The following PYGM variants were observed in gnomAD, a reference collection of about 807,000 sequenced individuals.
PYGM encodes the protein glycogen phosphorylase, muscle associated.
Under a neutral mutation model 99.3 loss-of-function variants are expected in PYGM, and 81 were observed. That is an observed-to-expected ratio of 0.82 (90% confidence interval 0.68 to 0.98). PYGM has a LOEUF of 0.98. Among genes scored for constraint, PYGM ranks in the 50% least tolerant of loss-of-function variants. The probability of loss-of-function intolerance (pLI) is 0.00; values close to 1 mark genes in which losing one functional copy is unlikely to be tolerated. For missense variants in PYGM, 1,030 were observed against 1,158.1 expected (o/e 0.89, Z 1.61); for synonymous variants, 436 against 451.5 (o/e 0.97, Z 0.44).
intron 12 of PYGM, among the ~76,000 whole-genome samples, 171 bp from the exon 13 acceptor site, chr11:64,752,675 C>T (rs1408221108): frequency 6.6e-6 from 1 of 152,244 alleles, no homozygotes; most frequent in Non-Finnish European, 1.5e-5. Context: ...CATCCATGCA[C>T]CTTCCTCCCC....
Position 64,747,229 on chromosome 11 carries a change from A to G in PYGM, c.2307T>C (p.His769=), listed in dbSNP as rs1347928620. 2.5e-6 allele frequency: 4 copies of G among 1,614,128 alleles called. No homozygotes were observed. In the African/African-American group the frequency reaches 4.0e-5, roughly 16 times the overall value. Residue 769 remains histidine, a synonymous_variant, in exon 18 of 20, where the codon CAT becomes CAC. Transcript: ENST00000164139. ...FKDIVNMLMH[H]DRFKVFADYE... Reference sequence around the variant, plus strand: ...TCCCGGGCCAACCAGCTCACCGGTCATGGTGCATGAGCATATTGACAATGT... The same window carrying G: ...TCCCGGGCCAACCAGCTCACCGGTCGTGGTGCATGAGCATATTGACAATGT...
Position 64,750,500 on chromosome 11 carries a change from T to A in PYGM, c.2053A>T (p.Asn685Tyr). ...ATGGTGCCAATGGTCAGAGCCCCGTTGAGCATGAACTTCATGTTGCCGGTG... is the reference window on the plus strand; with the variant it reads ...ATGGTGCCAATGGTCAGAGCCCCGTAGAGCATGAACTTCATGTTGCCGGTG... The part of the protein sequence containing the change: ...SGTGNMKFML[N>Y]GALTIGTMDG... Residue 685 changes from asparagine to tyrosine, a missense_variant, in exon 17 of 20, where the codon AAC (asparagine) becomes TAC (tyrosine). Coordinates refer to ENST00000164139, the MANE Select transcript of PYGM (RefSeq NM_005609.4). 1 of 1,614,226 alleles carries A rather than the reference T, an allele frequency of 6.2e-7. No individual in the cohort carries two copies. The highest frequency in any genetic ancestry group is 8.5e-7 in the Non-Finnish European group (1 of 1,180,042).
Position 64,758,355 on chromosome 11 carries a change from G to T in PYGM, c.425-6C>A. The T allele has an allele frequency of 1.2e-6, 2 of 1,613,426 alleles. No individual in the cohort carries two copies. The highest frequency in any genetic ancestry group is 1.3e-5 in the African/African-American group (1 of 74,996). ...CATGGAGTCAAGAAAGCAGGCTGGG[G>T]GTGTGCAGGGAGGTGGCTGTCAGGG... On this transcript the variant is annotated splice_polypyrimidine_tract_variant and splice_region_variant and intron_variant, in intron 3 of 19. Transcript: ENST00000164139.
At position 64,750,522 on chromosome 11, in the gene PYGM, G is replaced by T. The variant is rs372078244; in HGVS notation, c.2031C>A (p.Thr677=). 6.2e-7 allele frequency: 1 copy of T among 1,614,176 alleles called. No individual in the cohort carries two copies. The highest frequency in any genetic ancestry group is 1.3e-5 in the African/African-American group (1 of 75,038). ...ISTAGTEASG[T]GNMKFMLNGA... The stretch of plus-strand genomic sequence containing the variant: ...CGTTGAGCATGAACTTCATGTTGCC[G>T]GTGCCTGAGGCTTCAGTGCCCGCAG... The change falls in exon 17 of 20, where the codon ACC becomes ACA. Residue 677 remains threonine, a synonymous_variant. Transcript: ENST00000164139.
Position 64,746,527 on chromosome 11 carries a change from G to A in PYGM, c.*132C>T. 7.8e-7 allele frequency: 1 copy of A among 1,281,440 alleles called. No homozygotes were observed. Among genetic ancestry groups the A allele is most frequent in the East Asian group, 2.4e-5 (1 of 42,404 alleles). 79.4% of individuals were successfully genotyped at this position (1,281,440 alleles called of 1,614,324 possible). On this transcript the variant is annotated 3_prime_UTR_variant, in exon 20 of 20. Transcript: ENST00000164139. ...CACGCTGGACACTGGGACATTGAGAGTGGGGAAAATGAGGGTTCCAGGAGG... is the reference window on the plus strand; with the variant it reads ...CACGCTGGACACTGGGACATTGAGAATGGGGAAAATGAGGGTTCCAGGAGG...
In PYGM at chr11:64,754,487, G is replaced by A; in HGVS notation, c.1000-142C>T. ...GGCAGAGGCAGGCCGGTGCTCATGG[G>A]GGTGGGAGGAATGGGGGGAGTGGGG... On this transcript the variant is annotated intron_variant, in intron 8 of 19. Transcript: ENST00000164139. This position sits in a 1 kb window ranked among gnomAD's most constrained non-coding sequence, Gnocchi z 5.5. 5 of 972,702 alleles carry A rather than the reference G, an allele frequency of 5.1e-6. No individual in the cohort carries two copies. The South Asian group carries it at 7.6e-5, about 15-fold the overall frequency. The allele number at this position is 972,702 out of a possible 1,614,324, so 60.3% of individuals were successfully genotyped here. A position where few individuals can be genotyped will look rare whatever the true frequency, so the allele number is the denominator to read the frequency against.
chr11:64,758,106 T>A, intron 4 of PYGM, 140 bp downstream of exon 4: 1 of 1,356,368 alleles, frequency 7.4e-7, no homozygotes, highest in East Asian at 2.3e-5. Flanking sequence ...CCAGCTGGCT[T>A]TGGGTCGGGG....
At chr11:64,758,128 G>C (rs1245853689) in intron 4 of PYGM, 118 bp downstream of exon 4, 28 of 1,389,486 alleles carry the variant, frequency 2.0e-5, no homozygotes, top group Admixed American at 3.4e-5. Flanking sequence ...GTGGGGAGCA[G>C]CAAGGATGCT....
intron 2 of PYGM, 30 bp from the exon 3 acceptor site, chr11:64,758,545 G>A: frequency 6.2e-7 from 1 of 1,613,922 alleles, no homozygotes; most frequent in East Asian, 2.2e-5. Context: ...AGTGGTCAGG[G>A]TCAAGTGTCA....
At chr11:64,759,620 C>T in intron 1 of PYGM, 36 bp downstream of exon 1, 1 of 1,610,848 alleles carries the variant, frequency 6.2e-7, no homozygotes, top group South Asian at 1.1e-5. Context: ...GCAGCGCCTT[C>T]AGCCCATACC....
chr11:64,760,665 A>T (rs200066803), upstream of PYGM, among the ~76,000 whole-genome samples: 2 of 152,088 alleles, frequency 1.3e-5, no homozygotes, highest in Non-Finnish European at 2.9e-5. Context: ...GCGGTGGGAG[A>T]AACTGAGGCA....
intron 17 of PYGM, 79 bp downstream of exon 17, chr11:64,750,297 G>C: frequency 6.6e-7 from 1 of 1,521,610 alleles, no homozygotes; most frequent in Non-Finnish European, 9.1e-7. Flanking sequence ...AGTCTTTCCA[G>C]ACGTGCCGCT....
In PYGM at chr11:64,759,835, C is replaced by G. The variant is rs140731551; in HGVS notation, c.64G>C (p.Val22Leu). 6.2e-7 allele frequency: 1 copy of G among 1,614,026 alleles called. No individual in the cohort carries two copies. The highest frequency in any genetic ancestry group is 8.5e-7 in the Non-Finnish European group (1 of 1,180,028). The stretch of plus-strand genomic sequence containing the variant: ...TTTTTCAGCTCAGTCACGTTCTCCA[C>G]GCCGGCCAGGCCACGCACACTGATT... Reference protein sequence around the residue: ...KQISVRGLAGVENVTELKKNF... With the variant: ...KQISVRGLAGLENVTELKKNF... Residue 22 changes from valine to leucine, a missense_variant, in exon 1 of 20, where the codon GTG (valine) becomes CTG (leucine). Val to Leu is a conservative substitution (Grantham distance 32, BLOSUM62 1). Coordinates refer to ENST00000164139, the MANE Select transcript of PYGM (RefSeq NM_005609.4).
chr11:64,752,155 G>A lies in PYGM; in HGVS notation c.1621-84C>T, dbSNP rs943699770. The A allele has an allele frequency of 5.0e-6, 8 of 1,591,552 alleles. No homozygotes were observed. In the African/African-American group the frequency reaches 8.1e-5, roughly 16 times the overall value. ...GTCCACACTCCAGTCAGCCCCAGGA[G>A]GATGGCTACCAGGAGGCTCACTGGC... On this transcript the variant is annotated intron_variant, in intron 13 of 19. Coordinates refer to ENST00000164139, the MANE Select transcript of PYGM (RefSeq NM_005609.4).
rs1364727739 is a variant in PYGM at position 64,751,999 on chromosome 11, C to T, written c.1693G>A (p.Asp565Asn). The T allele has an allele frequency of 5.0e-6, 8 of 1,613,980 alleles. No individual in the cohort carries two copies. The highest frequency in any genetic ancestry group is 3.3e-5 in the Admixed American group (2 of 60,018). ...KVHINPNSLF[D>N]IQVKRIHEYK... ...TCGTGAATCCGCTTCACCTGGATGT[C>T]GAAGAGTGAGTTGGGGTTGATGTGG... Residue 565 changes from aspartate to asparagine, a missense_variant, in exon 14 of 20, where the codon GAC becomes AAC. Coordinates refer to ENST00000164139, the MANE Select transcript of PYGM (RefSeq NM_005609.4).
rs368565983 is a variant in PYGM, at chr11:64,755,258, C to T, written c.855+15G>A. On this transcript the variant is annotated intron_variant, in intron 7 of 19. Coordinates refer to ENST00000164139, the MANE Select transcript of PYGM (RefSeq NM_005609.4). This position sits in a 1 kb window ranked among gnomAD's most constrained non-coding sequence, Gnocchi z 4.1. ...GGACTCAGGCTTCCAGCCCCCAGCC[C>T]AGGGGGTGACGCACATTATCATTGG... The T allele has an allele frequency of 3.2e-5, 51 of 1,612,738 alleles. No homozygotes were observed. In the African/African-American group the frequency reaches 5.9e-4, roughly 19 times the overall value.
chr11:64,747,417 A>G, intron 17 of PYGM, 59 bp from the exon 18 acceptor site: 1 of 1,610,538 alleles, frequency 6.2e-7, no homozygotes, highest in Non-Finnish European at 8.5e-7. Context: ...CCTCTTCCAG[A>G]GAAAAGCTGA....
Position 64,755,361 on chromosome 11 carries a change from G to C in PYGM, c.773-6C>G. The C allele has an allele frequency of 6.2e-7, 1 of 1,614,116 alleles. No individual in the cohort carries two copies. Among genetic ancestry groups the C allele is most frequent in the East Asian group, 2.2e-5 (1 of 44,872 alleles). ...GATGTAGCCACCGACATTGACTGAGGGACAAAAGTGGGGACAGGGTAAGGC... is the reference window on the plus strand; with the variant it reads ...GATGTAGCCACCGACATTGACTGAGCGACAAAAGTGGGGACAGGGTAAGGC... On this transcript the variant is annotated splice_polypyrimidine_tract_variant and splice_region_variant and intron_variant, in intron 6 of 19. Transcript: ENST00000164139. The surrounding 1 kb of genome is among the most constrained non-coding windows in gnomAD (Gnocchi z 4.1).
At position 64,754,381 on chromosome 11, in the gene PYGM, C is replaced by G. The variant is rs771453239; in HGVS notation, c.1000-36G>C. 1 of 1,514,522 alleles carries G rather than the reference C, an allele frequency of 6.6e-7. No homozygotes were observed. The highest frequency in any genetic ancestry group is 2.3e-5 in the East Asian group (1 of 44,382). 93.8% of individuals were successfully genotyped at this position (1,514,522 alleles called of 1,614,324 possible). On this transcript the variant is annotated intron_variant, in intron 8 of 19. Transcript: ENST00000164139. This position sits in a 1 kb window ranked among gnomAD's most constrained non-coding sequence, Gnocchi z 5.5. ...GGGAGGGGTCAGTCTGGGCTCCAAA[C>G]CACATTCCATGCTATGGTCACTGCC...
Sources: allele counts gnomAD v4.1 joint callset (sites outside exome capture counted in the v4.1 genomes callset), GRCh38; gene constraint gnomAD v4.1.1; non-coding constraint Gnocchi (gnomAD v3.1); transcripts MANE v1.5; gene names NCBI Gene and HGNC (gene_info 2026-07-23, HGNC 2026-07-21).